The following PRRC1 variants were observed in gnomAD, a reference collection of about 807,000 sequenced individuals.
PRRC1 encodes the protein proline rich coiled-coil 1.
In PRRC1, 39 loss-of-function variants were observed where a neutral mutation model predicts 40.7. The observed-to-expected ratio is 0.96, with a 90% CI of 0.74 to 1.25. The LOEUF (loss-of-function observed/expected upper bound fraction) is 1.25, where lower values mean the gene tolerates loss of function less well. PRRC1 is among the 50% of genes most tolerant of loss of function. The pLI is 0.00. For synonymous variants in PRRC1, 175 were observed against 193.3 expected (o/e 0.91, Z 0.79); for missense variants, 573 against 548.3 (o/e 1.05, Z -0.45).
At chr5:127,545,113 C>G (rs1768176316) in intron 7 of PRRC1, among the ~76,000 whole-genome samples, 1 of 152,032 alleles carries the variant, frequency 6.6e-6, no homozygotes, top group South Asian at 2.1e-4. Context: ...GTTAGAATGG[C>G]AATCATTAAA....
At chr5:127,533,878 A>T (rs1159318044) in intron 6 of PRRC1, 92 bp downstream of exon 6, 4 of 1,291,246 alleles carry the variant, frequency 3.1e-6, no homozygotes, top group Non-Finnish European at 4.5e-6. Context: ...GAGCTAATAG[A>T]CTTTTACATA....
Position 127,549,179 on chromosome 5 carries a change from A to G in PRRC1, c.1128+1258A>G, listed in dbSNP as rs141069172. On this transcript the variant is annotated intron_variant, in intron 8 of 8. Transcript: ENST00000296666. The stretch of plus-strand genomic sequence containing the variant: ...ACTAAAAAAAAAAAAATCACTGAGT[A>G]CCAATGGTGTTACAAGTGAGTTCTA... 20 of 152,124 alleles carry G rather than the reference A, an allele frequency of 1.3e-4. 1 individual carries two copies. In the East Asian group the frequency reaches 2.9e-3, roughly 22 times the overall value. 9.4% of individuals were successfully genotyped at this position (152,124 alleles called of 1,614,324 possible).
At chr5:127,540,057 A>G (rs1045267006) in intron 7 of PRRC1, among the ~76,000 whole-genome samples, 2 of 152,182 alleles carry the variant, frequency 1.3e-5, no homozygotes, top group African/African-American at 4.8e-5. Context: ...AAAAAGTTTG[A>G]AGGTAATTGA....
chr5:127,540,866 G>A (rs1768025188), intron 7 of PRRC1, among the ~76,000 whole-genome samples: 1 of 151,786 alleles, frequency 6.6e-6, no homozygotes, highest in Non-Finnish European at 1.5e-5. Context: ...TGAATATGTT[G>A]CGAAAATTTT....
intron 5 of PRRC1, among the ~76,000 whole-genome samples, chr5:127,531,437 C>T (rs1321522278): frequency 6.6e-6 from 1 of 151,974 alleles, no homozygotes; most frequent in Non-Finnish European, 1.5e-5. Context: ...AAATTGGAGT[C>T]CACCATATAT....
rs1319879401 is a variant in PRRC1, at chr5:127,554,232, C to T, written c.*2316C>T. On this transcript the variant is annotated 3_prime_UTR_variant, in exon 9 of 9. Coordinates refer to ENST00000296666, the MANE Select transcript of PRRC1 (RefSeq NM_130809.5). ...TCACTAATCGTCCAGCTTGAGTGTTCTGTTCTCTTCCTGCCCATTTCCTTG... is the reference window on the plus strand; with the variant it reads ...TCACTAATCGTCCAGCTTGAGTGTTTTGTTCTCTTCCTGCCCATTTCCTTG... 5.5e-6 allele frequency: 1 copy of T among 181,136 alleles called. No homozygotes were observed. The highest frequency in any genetic ancestry group is 2.4e-5 in the African/African-American group (1 of 42,076). 11.2% of individuals were successfully genotyped at this position (181,136 alleles called of 1,614,324 possible).
chr5:127,518,075 A>G (rs1337948318), intron 1 of PRRC1: 1 of 152,408 alleles, frequency 6.6e-6, no homozygotes, highest in African/African-American at 2.4e-5. Flanking sequence ...GCTCCTGTCC[A>G]AGGACCAAGG....
At position 127,544,599 on chromosome 5, in the gene PRRC1, G is replaced by C. The variant is rs937228618; in HGVS notation, c.1026-3220G>C. Reference sequence around the variant, plus strand: ...CTGGGCAATGGCGGGCGCCCCTCCCGCAGCCTCGCTGCCGCCTTGCAGTTT... The same window carrying C: ...CTGGGCAATGGCGGGCGCCCCTCCCCCAGCCTCGCTGCCGCCTTGCAGTTT... On this transcript the variant is annotated intron_variant, in intron 7 of 8. Transcript: ENST00000296666. Among the ~76,000 whole-genome samples, 4 of 152,328 alleles carry C rather than the reference G, an allele frequency of 2.6e-5. No individual in the cohort carries two copies. In the South Asian group the frequency reaches 6.2e-4, roughly 24 times the overall value.
chr5:127,535,184 C>A (rs1189975675), intron 6 of PRRC1, among the ~76,000 whole-genome samples: 1 of 152,156 alleles, frequency 6.6e-6, no homozygotes, highest in Admixed American at 6.6e-5. Flanking sequence ...CATTTTTATA[C>A]ACATACATGC....
At chr5:127,528,418 A>C (rs1238430797) in intron 4 of PRRC1, among the ~76,000 whole-genome samples, 1 of 151,766 alleles carries the variant, frequency 6.6e-6, no homozygotes, top group Non-Finnish European at 1.5e-5. Flanking sequence ...GGGTTCAAGC[A>C]ATTCTCCTAC....
rs1768454786 is a variant in PRRC1 at position 127,553,799 on chromosome 5, G to A, written c.*1883G>A. 2.6e-6 allele frequency: 4 copies of A among 1,535,382 alleles called. No individual in the cohort carries two copies. The highest frequency in any genetic ancestry group is 1.7e-4 in the Middle Eastern group (1 of 5,984). The stretch of plus-strand genomic sequence containing the variant: ...CACAAATACTGACATTTCATTAGAT[G>A]ATTATTTTCCTAGAATCCCCAAAGA... On this transcript the variant is annotated 3_prime_UTR_variant, in exon 9 of 9. Coordinates refer to ENST00000296666, the MANE Select transcript of PRRC1 (RefSeq NM_130809.5).
Position 127,554,497 on chromosome 5 carries a change from AAATAATTT to A in PRRC1, c.*2586_*2593del, listed in dbSNP as rs931274018. 3 of 135,914 alleles carry A rather than the reference AAATAATTT, an allele frequency of 2.2e-5. No homozygotes were observed. Among genetic ancestry groups the A allele is most frequent in the Non-Finnish European group, 4.8e-5 (3 of 62,376 alleles). The allele number at this position is 135,914 out of a possible 1,614,324, so 8.4% of individuals were successfully genotyped here. On this transcript the variant is annotated 3_prime_UTR_variant, in exon 9 of 9. Transcript: ENST00000296666. ...TGAAAGGAAACAAAGAATGCAGGAA[AAATAATTT>A]AATATCAACCTCAGTTGACAAGGTG...
At chr5:127,535,770 G>A (rs764375158) in intron 6 of PRRC1, among the ~76,000 whole-genome samples, 64 of 152,142 alleles carry the variant, frequency 4.2e-4, no homozygotes, top group Middle Eastern at 3.4e-3. Context: ...ATTAGAATGA[G>A]GTAATTGACA....
chr5:127,538,627 G>C (rs974769108), intron 6 of PRRC1, among the ~76,000 whole-genome samples: 1 of 151,984 alleles, frequency 6.6e-6, no homozygotes, highest in Non-Finnish European at 1.5e-5. Flanking sequence ...TGATATGATT[G>C]CCTACCTGAA....
At chr5:127,550,293 T>G (rs921973316) in intron 8 of PRRC1, 3 of 152,182 alleles carry the variant, frequency 2.0e-5, no homozygotes, top group African/African-American at 7.2e-5. Context: ...CTTTTTATCC[T>G]CAGCTATTCA....
intron 6 of PRRC1, 37 bp from the exon 7 acceptor site, chr5:127,539,003 T>C (rs1561684837): frequency 6.8e-7 from 1 of 1,470,066 alleles, no homozygotes; most frequent in Non-Finnish European, 9.5e-7. Context: ...TATGTAATAA[T>C]TTGAAATGGT....
intron 7 of PRRC1, among the ~76,000 whole-genome samples, chr5:127,543,298 C>A (rs1264413782): frequency 1.3e-5 from 2 of 151,924 alleles, no homozygotes; most frequent in Non-Finnish European, 2.9e-5. Flanking sequence ...CTCTGGCTGC[C>A]CTTAACATTT....
At chr5:127,551,223 G>A (rs978675043) in intron 8 of PRRC1, 2 of 162,678 alleles carry the variant, frequency 1.2e-5, no homozygotes, top group African/African-American at 2.4e-5. Context: ...AATTAGGAAT[G>A]TTGCATCAGT....
Position 127,551,969 on chromosome 5 carries a change from A to G in PRRC1, c.*53A>G, listed in dbSNP as rs1768401308. 2 of 1,609,012 alleles carry G rather than the reference A, an allele frequency of 1.2e-6. No homozygotes were observed. Among genetic ancestry groups the G allele is most frequent in the Non-Finnish European group, 1.7e-6 (2 of 1,177,208 alleles). On this transcript the variant is annotated 3_prime_UTR_variant, in exon 9 of 9. Transcript: ENST00000296666. ...TTTCCCCCACTTTTAGCTTGATGTTAAAGAAGTGGTTGTACCTTCCTAAAT... is the reference window on the plus strand; with the variant it reads ...TTTCCCCCACTTTTAGCTTGATGTTGAAGAAGTGGTTGTACCTTCCTAAAT...
Sources: gnomAD v4.1 joint callset for allele counts (sites outside exome capture counted in the v4.1 genomes callset) on GRCh38, gnomAD v4.1.1 for gene constraint, MANE v1.5 for transcripts, NCBI Gene and HGNC (gene_info 2026-07-23, HGNC 2026-07-21) for gene names.